TCTN3: variants seen among roughly 807,000 people sequenced by gnomAD.
TCTN3 encodes the protein tectonic-3.
In TCTN3, 57 loss-of-function variants were observed where a neutral mutation model predicts 71.3. The observed-to-expected ratio is 0.80, with a 90% confidence interval of 0.65 to 1.00. The LOEUF (loss-of-function observed/expected upper bound fraction) is 1.00. Among genes scored for constraint, TCTN3 ranks in the 50% least tolerant of loss-of-function variants. The probability of loss-of-function intolerance (pLI) is 0.00; values close to 1 mark genes in which losing one functional copy is unlikely to be tolerated. For missense variants in TCTN3, 696 were observed against 719.9 expected, an observed-to-expected ratio of 0.97 and a Z score of 0.38; for synonymous variants, 258 against 267.8, an observed-to-expected ratio of 0.96 and a Z score of 0.36.
chr10:95,693,611 G>A, intron 1 of TCTN3, 33 bp downstream of exon 1: 2 of 1,548,194 alleles, frequency 1.3e-6, no homozygotes, highest in East Asian at 2.4e-5. Context: ...GATCTCAGAA[G>A]TAAGTTTCCA....
At chr10:95,687,185 G>A (rs774229335) in intron 5 of TCTN3, 26 bp from the exon 6 acceptor site, 2 of 1,610,570 alleles carry the variant, frequency 1.2e-6, no homozygotes. Flanking sequence ...TTAAGAGAGT[G>A]GTAAATGAGA....
chr10:95,675,997 G>A (rs1383960128), intron 13 of TCTN3, among the ~76,000 whole-genome samples: 2 of 152,164 alleles, frequency 1.3e-5, no homozygotes. Flanking sequence ...GGGTCCATAA[G>A]ATTCAGAACC....
At chr10:95,686,611 T>C (rs1403435254) in intron 6 of TCTN3, 81 bp from the exon 7 acceptor site, 7 of 1,418,092 alleles carry the variant, frequency 4.9e-6, no homozygotes, top group Non-Finnish European at 5.9e-6. Context: ...TTACTACCAA[T>C]AGGCTTTGGT....
intron 13 of TCTN3, among the ~76,000 whole-genome samples, chr10:95,674,545 A>G (rs2097934948): frequency 6.6e-6 from 1 of 152,154 alleles, no homozygotes; most frequent in Admixed American, 6.5e-5. Context: ...TCTACTTTAA[A>G]AAAAATAGTG....
Position 95,664,031 on chromosome 10 carries a change from C to T in TCTN3, c.*36G>A. The T allele has an allele frequency of 6.3e-7, 1 of 1,595,556 alleles. No individual in the cohort carries two copies. Among genetic ancestry groups the T allele is most frequent in the Non-Finnish European group, 8.6e-7 (1 of 1,164,136 alleles). On this transcript the variant is annotated 3_prime_UTR_variant, in exon 14 of 14. Coordinates refer to ENST00000371217, the MANE Select transcript of TCTN3 (RefSeq NM_015631.6). ...GATAAGTGGCTGCCTCAGAGTTTCT[C>T]ATAGGGAAAACTGAAATCTGATTAT...
chr10:95,692,680 C>G (rs1197482341), intron 3 of TCTN3, among the ~76,000 whole-genome samples: 3 of 152,270 alleles, frequency 2.0e-5, no homozygotes, highest in Non-Finnish European at 4.4e-5. Flanking sequence ...CTGCAACCCA[C>G]CGGCCGCATG....
intron 13 of TCTN3, among the ~76,000 whole-genome samples, chr10:95,669,713 G>A (rs921353399): frequency 1.3e-5 from 2 of 152,158 alleles, no homozygotes; most frequent in Middle Eastern, 3.4e-3. Context: ...TGGAGGTAGG[G>A]AACTAACATA....
At chr10:95,674,804 G>C (rs2097935248) in intron 13 of TCTN3, among the ~76,000 whole-genome samples, 1 of 150,286 alleles carries the variant, frequency 6.7e-6, no homozygotes, top group African/African-American at 2.5e-5. Context: ...CAGAGTGACA[G>C]AGCGAGACCC....
intron 2 of TCTN3, 145 bp from the exon 3 acceptor site, chr10:95,693,183 C>T (rs1330341384): frequency 4.8e-6 from 6 of 1,262,066 alleles, no homozygotes; most frequent in South Asian, 3.0e-5. Flanking sequence ...TTCTACTGGC[C>T]AGCCCTGCTC....
intron 13 of TCTN3, among the ~76,000 whole-genome samples, chr10:95,666,498 A>C (rs971824320): frequency 1.3e-5 from 2 of 152,210 alleles, no homozygotes; most frequent in Non-Finnish European, 2.9e-5. Context: ...ATTTACTATT[A>C]GGACTTTAGT....
In TCTN3 at chr10:95,693,885, C is replaced by G. The variant is rs1430071271; in HGVS notation, c.15G>C (p.Gln5His). ...GAAAGAACACTTGCAGGAGCGCGAGCTGTGGGGTGCGCATGGGGCATTCAG... is the reference window on the plus strand; with the variant it reads ...GAAAGAACACTTGCAGGAGCGCGAGGTGTGGGGTGCGCATGGGGCATTCAG... MRTPQLALLQVFFLV... is the reference protein window; with the variant it reads MRTPHLALLQVFFLV... The change falls in exon 1 of 14, where the codon CAG becomes CAC. Residue 5 changes from glutamine (Q) to histidine (H), a missense_variant. Coordinates refer to ENST00000371217, the MANE Select transcript of TCTN3 (RefSeq NM_015631.6). 1.2e-5 allele frequency: 18 copies of G among 1,551,572 alleles called. No homozygotes were observed. Among genetic ancestry groups the G allele is most frequent in the Non-Finnish European group, 1.6e-5 (18 of 1,146,998 alleles).
chr10:95,668,451 C>T (rs1320835989), intron 13 of TCTN3, among the ~76,000 whole-genome samples: 1 of 152,038 alleles, frequency 6.6e-6, no homozygotes, highest in East Asian at 1.9e-4. Context: ...AAAATGGCTT[C>T]TGAACAGCAA....
intron 11 of TCTN3, 62 bp from the exon 12 acceptor site, chr10:95,682,866 T>TTA: frequency 6.5e-7 from 1 of 1,537,928 alleles, no homozygotes; most frequent in African/African-American, 1.4e-5. Context: ...CCTATATTAG[T>TTA]ACGGTATGTT....
Position 95,693,034 on chromosome 10 carries a change from A to G in TCTN3, c.385T>C (p.Ser129Pro). Residue 129 changes from serine to proline, a missense_variant, in exon 3 of 14, where the codon TCA becomes CCA. Transcript: ENST00000371217. Reference protein sequence around the residue: ...SFCLPGSVRSSSWVCVDNSVI... With the variant: ...SFCLPGSVRSPSWVCVDNSVI... ...GAGTTGTCTACACAAACCCAGCTTG[A>G]AGACCTGTGAGGAAAGAGGAGGGAG... 6.2e-7 allele frequency: 1 copy of G among 1,609,544 alleles called. No homozygotes were observed. Among genetic ancestry groups the G allele is most frequent in the Non-Finnish European group, 8.5e-7 (1 of 1,176,612 alleles).
chr10:95,687,147 C>T lies in TCTN3; in HGVS notation c.749G>A (p.Ser250Asn). 6.2e-7 allele frequency: 1 copy of T among 1,614,010 alleles called. No homozygotes were observed. ...AAAACGAGTGCAAGTTGTACTTTTA[C>T]TCTCTAGGAAACCTTAAACACAAAT... The part of the protein sequence containing the change: ...AESNPAGFLE[S>N]KSTTCTRFFK... Residue 250 changes from serine to asparagine, a missense_variant, in exon 6 of 14, where the codon AGT becomes AAT. Ser to Asn is a conservative substitution (Grantham distance 46). Transcript: ENST00000371217.
rs973353630 is a variant in TCTN3, at chr10:95,693,873, C to A, written c.27G>T (p.Leu9=). 2.6e-6 allele frequency: 4 copies of A among 1,551,576 alleles called. No individual in the cohort carries two copies. In the African/African-American group the frequency reaches 5.5e-5, roughly 21 times the overall value. ...CGGGGAACACCAGAAAGAACACTTG[C>A]AGGAGCGCGAGCTGTGGGGTGCGCA... MRTPQLAL[L]QVFFLVFPDG... The change falls in exon 1 of 14, where the codon CTG becomes CTT. Residue 9 remains leucine, a synonymous_variant. Coordinates refer to ENST00000371217, the MANE Select transcript of TCTN3 (RefSeq NM_015631.6).
At chr10:95,671,754 C>A (rs1485767302) in intron 13 of TCTN3, among the ~76,000 whole-genome samples, 1 of 152,172 alleles carries the variant, frequency 6.6e-6, no homozygotes, top group Non-Finnish European at 1.5e-5. Context: ...CCTTGCCCAG[C>A]TAATTTTTTG....
intron 13 of TCTN3, among the ~76,000 whole-genome samples, chr10:95,677,483 GTTTTTTTTT>G (rs1223582407): frequency 8.1e-5 from 5 of 61,986 alleles, no homozygotes; most frequent in African/African-American, 2.7e-4. Context: ...AGTTTTTTTT[GTTTTTTTTT>G]TTTTTTTTTG....
At position 95,687,608 on chromosome 10, in the gene TCTN3, G is replaced by A. The variant is rs756432322; in HGVS notation, c.611C>T (p.Pro204Leu). The A allele has an allele frequency of 2.5e-6, 4 of 1,613,934 alleles. No individual in the cohort carries two copies. Among genetic ancestry groups the A allele is most frequent in the South Asian group, 1.1e-5 (1 of 90,990 alleles). Residue 204 changes from proline (P) to leucine (L), a missense_variant, in exon 4 of 14, where the codon CCA becomes CTA. Coordinates refer to ENST00000371217, the MANE Select transcript of TCTN3 (RefSeq NM_015631.6). ...SFTSTFQTQSPPSFYRAGDPI... is the reference protein window; with the variant it reads ...SFTSTFQTQSLPSFYRAGDPI... ...CAGGCTCACCCTGTAAAAAGATGGT[G>A]GTGATTGAGTTTGGAATGTTGAAGT...
Sources: gnomAD v4.1 joint callset for allele counts (sites outside exome capture counted in the v4.1 genomes callset) on GRCh38, gnomAD v4.1.1 for gene constraint, MANE v1.5 for transcripts, NCBI Gene and HGNC (gene_info 2026-07-23, HGNC 2026-07-21) for gene names.